NEK10: variants seen among roughly 807,000 people sequenced by gnomAD.
NEK10 encodes serine/threonine-protein kinase Nek10.
A neutral mutation model predicts 159.8 loss-of-function variants in NEK10; 122 were observed. That is an observed-to-expected ratio of 0.76 (90% CI 0.66 to 0.89). The LOEUF is 0.89. Ranked by LOEUF, NEK10 falls within the 40% of genes least tolerant of loss-of-function variation. NEK10 has a pLI of 0.00. For missense variants in NEK10, 1,342 were observed against 1,323.1 expected, an observed-to-expected ratio of 1.01 and a Z score of -0.22; for synonymous variants, 466 against 457.1, an observed-to-expected ratio of 1.02 and a Z score of -0.25.
intron 29 of NEK10, among the ~76,000 whole-genome samples, chr3:27,168,107 T>C (rs1442977519): frequency 1.3e-5 from 2 of 152,160 alleles, no homozygotes; most frequent in Admixed American, 6.5e-5. Context: ...GACTTCTATA[T>C]TTTGGAGGCT....
intron 23 of NEK10, among the ~76,000 whole-genome samples, chr3:27,243,832 T>TGG (rs1954798829): frequency 3.9e-5 from 1 of 25,916 alleles, no homozygotes; most frequent in Admixed American, 4.4e-4. Flanking sequence ...ACACCATGGG[T>TGG]GTGTGTGTGT....
chr3:27,300,489 T>C (rs2043724678), intron 13 of NEK10, among the ~76,000 whole-genome samples: 2 of 152,138 alleles, frequency 1.3e-5, no homozygotes, highest in South Asian at 2.1e-4. Flanking sequence ...AATGGACTAA[T>C]ACGGGTATAG....
chr3:27,260,762 T>A (rs866213971), intron 22 of NEK10, among the ~76,000 whole-genome samples: 10 of 152,368 alleles, frequency 6.6e-5, no homozygotes, highest in South Asian at 6.2e-4. Context: ...ATTCCCTCTT[T>A]TTTTTATTGA....
intron 6 of NEK10, among the ~76,000 whole-genome samples, chr3:27,318,736 G>A (rs1472616500): frequency 6.6e-6 from 1 of 152,106 alleles, no homozygotes; most frequent in Non-Finnish European, 1.5e-5. Flanking sequence ...AACTGTACAC[G>A]GGCCCACACT....
chr3:27,287,516 G>A (rs910916458), intron 20 of NEK10, among the ~76,000 whole-genome samples, 182 bp downstream of exon 20: 2 of 152,048 alleles, frequency 1.3e-5, no homozygotes, highest in Non-Finnish European at 2.9e-5. Context: ...CTATCTTCAG[G>A]TGACTGACTA....
At chr3:27,171,964 T>A in intron 28 of NEK10, 91 bp from the exon 29 acceptor site, 1 of 1,334,140 alleles carries the variant, frequency 7.5e-7, no homozygotes, top group Admixed American at 2.2e-5. Context: ...GAACAACAAA[T>A]ACTGGTGAAG....
chr3:27,246,405 A>T (rs1442146127), intron 23 of NEK10, among the ~76,000 whole-genome samples: 3 of 152,102 alleles, frequency 2.0e-5, no homozygotes, highest in South Asian at 2.1e-4. Context: ...GATTTTTTAA[A>T]TTTTTTATTT....
At chr3:27,334,799 G>A (rs942287400) in intron 5 of NEK10, among the ~76,000 whole-genome samples, 1 of 152,160 alleles carries the variant, frequency 6.6e-6, no homozygotes, top group Admixed American at 6.5e-5. Context: ...CAGATGTGCA[G>A]ATGTCAGTGT....
chr3:27,308,972 T>C lies in NEK10; in HGVS notation c.670A>G (p.Asn224Asp), dbSNP rs2044461585. ...LVNLLGARDTNVLLGSLLALA... is the reference protein window; with the variant it reads ...LVNLLGARDTDVLLGSLLALA... The stretch of plus-strand genomic sequence containing the variant: ...GCCAGAAGGGAACCCAATAGAACAT[T>C]AGTATCTCGGGCACCAAGTAAATTT... Residue 224 changes from asparagine to aspartate, a missense_variant, in exon 10 of 36, where the codon AAT becomes GAT. Coordinates refer to ENST00000691995, the MANE Select transcript of NEK10 (RefSeq NM_001394966.1). The C allele has an allele frequency of 6.3e-7, 1 of 1,599,818 alleles. No homozygotes were observed. Among genetic ancestry groups the C allele is most frequent in the South Asian group, 1.1e-5 (1 of 90,026 alleles).
rs574835540 is a variant in NEK10 at position 27,109,520 on chromosome 3, C to A, written c.*1752G>T. Among the ~76,000 whole-genome samples, 4 of 151,836 alleles carry A rather than the reference C, an allele frequency of 2.6e-5. No individual in the cohort carries two copies. In the East Asian group the frequency reaches 7.8e-4, roughly 30 times the overall value. On this transcript the variant is annotated 3_prime_UTR_variant, in exon 36 of 36. Transcript: ENST00000691995. ...CACGGTACACCTTTTGAATACTATT[C>A]TTTCCTAAATTCTGTTTACTATATA...
intron 32 of NEK10, among the ~76,000 whole-genome samples, chr3:27,120,966 T>C (rs1392670137): frequency 6.6e-6 from 1 of 152,204 alleles, no homozygotes; most frequent in Non-Finnish European, 1.5e-5. Flanking sequence ...ATTCATATAC[T>C]TTGTTTATGA....
At chr3:27,291,141 T>C in intron 18 of NEK10, 121 bp downstream of exon 18, 1 of 939,246 alleles carries the variant, frequency 1.1e-6, no homozygotes, top group Non-Finnish European at 1.6e-6. Context: ...ATCATTCTAA[T>C]TTTCATATCT....
chr3:27,206,485 G>T, intron 23 of NEK10: 1 of 581,680 alleles, frequency 1.7e-6, no homozygotes, highest in Non-Finnish European at 2.2e-6. Context: ...TAGAAAAAAT[G>T]GTTCCTTCCT....
chr3:27,129,908 G>C (rs1480578915), intron 32 of NEK10, among the ~76,000 whole-genome samples: 1 of 151,334 alleles, frequency 6.6e-6, no homozygotes, highest in African/African-American at 2.4e-5. Context: ...TTTTGTCAGA[G>C]CTATTTTTTT....
At chr3:27,226,852 A>C (rs1265565115) in intron 23 of NEK10, among the ~76,000 whole-genome samples, 1 of 152,222 alleles carries the variant, frequency 6.6e-6, no homozygotes, top group Non-Finnish European at 1.5e-5. Flanking sequence ...TCTTATTATC[A>C]AACACACAAT....
At chr3:27,331,764 T>A (rs1249417530) in intron 5 of NEK10, among the ~76,000 whole-genome samples, 3 of 152,238 alleles carry the variant, frequency 2.0e-5, no homozygotes, top group Non-Finnish European at 4.4e-5. Context: ...TGATAATTTC[T>A]AATAACGTTG....
chr3:27,275,911 T>C (rs1401901536), intron 22 of NEK10, among the ~76,000 whole-genome samples: 2 of 152,138 alleles, frequency 1.3e-5, no homozygotes, highest in Non-Finnish European at 2.9e-5. Context: ...AATTTTTTCT[T>C]TGAGTTACTG....
At chr3:27,341,670 T>A (rs957872288) in intron 5 of NEK10, among the ~76,000 whole-genome samples, 2 of 152,176 alleles carry the variant, frequency 1.3e-5, no homozygotes, top group Non-Finnish European at 2.9e-5. Context: ...TCAGATGCCA[T>A]CTGGCAATTT....
chr3:27,320,393 C>T (rs924007587), intron 6 of NEK10, among the ~76,000 whole-genome samples: 12 of 152,290 alleles, frequency 7.9e-5, no homozygotes, highest in South Asian at 2.1e-4. Flanking sequence ...ATTAACTGGA[C>T]CTTCCTCCTG....
Sources: allele counts gnomAD v4.1 joint callset (sites outside exome capture counted in the v4.1 genomes callset), GRCh38; gene constraint gnomAD v4.1.1; transcripts MANE v1.5; gene names NCBI Gene and HGNC (gene_info 2026-07-23, HGNC 2026-07-21).